The following SLC6A3 variants were observed in gnomAD, a reference collection of about 807,000 sequenced individuals.
SLC6A3 encodes the protein solute carrier family 6 member 3, also known as sodium-dependent dopamine transporter.
Under a neutral mutation model 70.4 loss-of-function variants are expected in SLC6A3, and 19 were observed. The ratio of observed to expected loss-of-function variants is 0.27; its 90% confidence interval spans 0.19 to 0.40. The LOEUF (loss-of-function observed/expected upper bound fraction) is 0.40, where lower values mean the gene tolerates loss of function less well. Ranked by LOEUF, SLC6A3 falls within the 10% of genes least tolerant of loss-of-function variation. The pLI, the probability that SLC6A3 is intolerant of heterozygous loss-of-function variation, is 1.00. For missense variants in SLC6A3, 613 were observed against 838.5 expected, an observed-to-expected ratio of 0.73 and a Z score of 3.32; for synonymous variants, 368 against 356.6, an observed-to-expected ratio of 1.03 and a Z score of -0.36.
chr5:1,415,145 G>C (rs1184776698), intron 7 of SLC6A3, among the ~76,000 whole-genome samples: 1 of 151,960 alleles, frequency 6.6e-6, no homozygotes, highest in Non-Finnish European at 1.5e-5. Context: ...ACCTCCCGGG[G>C]ACCTCGCTAA....
At position 1,441,496 on chromosome 5, in the gene SLC6A3, G is replaced by A. The variant is rs754451666; in HGVS notation, c.287-6C>T. ...GTAGGGGACCAGGAAGGCACCTGTG[G>A]GGCAGAAAAGCACCTTTAGTTTGGG... On this transcript the variant is annotated splice_region_variant and splice_polypyrimidine_tract_variant and intron_variant, in intron 2 of 14. Coordinates refer to ENST00000270349, the MANE Select transcript of SLC6A3 (RefSeq NM_001044.5). 6.2e-7 allele frequency: 1 copy of A among 1,613,774 alleles called. No homozygotes were observed. The highest frequency in any genetic ancestry group is 1.7e-5 in the Admixed American group (1 of 60,022).
In SLC6A3 at chr5:1,406,107, C is replaced by T. The variant is rs1423719984; in HGVS notation, c.1599+81G>A. The T allele has an allele frequency of 5.4e-5, 53 of 988,836 alleles. No individual in the cohort carries two copies. The highest frequency in any genetic ancestry group is 2.1e-4 in the East Asian group (9 of 41,984). The allele number at this position is 988,836 out of a possible 1,614,324, so 61.3% of individuals were successfully genotyped here. A position where few individuals can be genotyped will look rare whatever the true frequency, so the allele number is the denominator to read the frequency against. On this transcript the variant is annotated intron_variant, in intron 12 of 14. Coordinates refer to ENST00000270349, the MANE Select transcript of SLC6A3 (RefSeq NM_001044.5). The surrounding 1 kb of genome is among the most constrained non-coding windows in gnomAD (Gnocchi z 8.8). Reference sequence around the variant, plus strand: ...TCCAGCCACAGTGACAACCCACATGCGGGCGCTGGACCTCGGGGCAGGTGC... The same window carrying T: ...TCCAGCCACAGTGACAACCCACATGTGGGCGCTGGACCTCGGGGCAGGTGC...
chr5:1,416,704 G>T (rs1245916833), intron 6 of SLC6A3: 3 of 240,696 alleles, frequency 1.2e-5, no homozygotes, highest in Admixed American at 5.2e-5. Context: ...CGGCATGACC[G>T]CAGCGTCCTA....
At chr5:1,419,908 G>A (rs978564728) in intron 6 of SLC6A3, among the ~76,000 whole-genome samples, 1 of 151,236 alleles carries the variant, frequency 6.6e-6, no homozygotes, top group Non-Finnish European at 1.5e-5. Context: ...AGCCATGCCC[G>A]CCCATCCCTT....
At chr5:1,424,688 A>G (rs1485141231) in intron 4 of SLC6A3, among the ~76,000 whole-genome samples, 1 of 152,262 alleles carries the variant, frequency 6.6e-6, no homozygotes, top group African/African-American at 2.4e-5. Context: ...TGCCCCACTC[A>G]GGGCCTTCTC....
chr5:1,415,511 T>C (rs1756268624), intron 7 of SLC6A3, among the ~76,000 whole-genome samples: 1 of 152,200 alleles, frequency 6.6e-6, no homozygotes, highest in Non-Finnish European at 1.5e-5. Flanking sequence ...GCCATTCTGC[T>C]GCACACACTG....
Position 1,411,139 on chromosome 5 carries a change from G to T in SLC6A3, c.1269+104C>A. On this transcript the variant is annotated intron_variant, in intron 9 of 14. Coordinates refer to ENST00000270349, the MANE Select transcript of SLC6A3 (RefSeq NM_001044.5). The surrounding 1 kb of genome is among the most constrained non-coding windows in gnomAD (Gnocchi z 6.5). The stretch of plus-strand genomic sequence containing the variant: ...GTCAAGGACAGGAGGTCTGGGGGCC[G>T]TACGTGAGCCCAGGGATCTTGCCTA... 2 of 799,220 alleles carry T rather than the reference G, an allele frequency of 2.5e-6. No homozygotes were observed. 49.5% of individuals were successfully genotyped at this position (799,220 alleles called of 1,614,324 possible).
intron 6 of SLC6A3, among the ~76,000 whole-genome samples, chr5:1,420,261 C>T (rs188880091): frequency 6.6e-6 from 1 of 152,230 alleles, no homozygotes; most frequent in Non-Finnish European, 1.5e-5. Flanking sequence ...CCTTTCTGGA[C>T]AAGGGTCCCA....
At position 1,432,713 on chromosome 5, in the gene SLC6A3, G is replaced by A. The variant is rs1223467797; in HGVS notation, c.419-15C>T. On this transcript the variant is annotated splice_polypyrimidine_tract_variant and intron_variant, in intron 3 of 14. Transcript: ENST00000270349. ...GAAGCCCACACCTAGCGGGAAGGGG[G>A]AGGCCATGGAGCCCACGCAGGTGGA... The A allele has an allele frequency of 2.5e-6, 4 of 1,593,412 alleles. No homozygotes were observed. The highest frequency in any genetic ancestry group is 2.2e-5 in the East Asian group (1 of 44,674).
Position 1,442,815 on chromosome 5 carries a change from G to A in SLC6A3, c.286+97C>T. On this transcript the variant is annotated intron_variant, in intron 2 of 14. Coordinates refer to ENST00000270349, the MANE Select transcript of SLC6A3 (RefSeq NM_001044.5). The surrounding 1 kb of genome is among the most constrained non-coding windows in gnomAD (Gnocchi z 5.0). ...CAGGGAGCTCCGTCTTCACGCATGGGAACAGCTTCATCTCGTTTCCGTACG... is the reference window on the plus strand; with the variant it reads ...CAGGGAGCTCCGTCTTCACGCATGGAAACAGCTTCATCTCGTTTCCGTACG... The A allele has an allele frequency of 1.6e-6, 2 of 1,274,492 alleles. No individual in the cohort carries two copies. Among genetic ancestry groups the A allele is most frequent in the East Asian group, 2.3e-5 (1 of 43,310 alleles). The allele number at this position is 1,274,492 out of a possible 1,614,324, so 78.9% of individuals were successfully genotyped here. A position where few individuals can be genotyped will look rare whatever the true frequency, so the allele number is the denominator to read the frequency against.
rs113839811 is a variant in SLC6A3, at chr5:1,423,343, C to T, written c.654-1329G>A. ...GGTGCTGGGTACCCACCGCTGCCCA[C>T]AGTGCTGCCCACGCTGCTGGGTACC... On this transcript the variant is annotated intron_variant, in intron 4 of 14. Transcript: ENST00000270349. Among the ~76,000 whole-genome samples, 4 of 150,406 alleles carry T rather than the reference C, an allele frequency of 2.7e-5. 1 individual carries two copies. The highest frequency in any genetic ancestry group is 9.8e-5 in the African/African-American group (4 of 40,768).
chr5:1,417,966 A>G (rs1756346117), intron 6 of SLC6A3, among the ~76,000 whole-genome samples: 1 of 152,250 alleles, frequency 6.6e-6, no homozygotes, highest in South Asian at 2.1e-4. Context: ...GCAGCATGTC[A>G]GAGCCTCAAG....
rs774620416 is a variant in SLC6A3 at position 1,438,394 on chromosome 5, C to A, written c.418+2965G>T. Among the ~76,000 whole-genome samples, 1 of 152,226 alleles carries A rather than the reference C, an allele frequency of 6.6e-6. No homozygotes were observed. The highest frequency in any genetic ancestry group is 6.5e-5 in the Admixed American group (1 of 15,286). ...GAGGAGACGACTGCCCAGCTTACCC[C>A]GGCTGCGCATTGTGGAGAACACGAT... is the stretch of plus-strand genomic sequence containing the variant. On this transcript the variant is annotated intron_variant, in intron 3 of 14. Transcript: ENST00000270349. The surrounding 1 kb of genome is among the most constrained non-coding windows in gnomAD (Gnocchi z 6.5).
chr5:1,396,574 CCA>C lies in SLC6A3; in HGVS notation c.1840-1818_1840-1817del, dbSNP rs761104454. Among the ~76,000 whole-genome samples the C allele has an allele frequency of 6.6e-6, 1 of 152,180 alleles. No homozygotes were observed. Among genetic ancestry groups the C allele is most frequent in the Non-Finnish European group, 1.5e-5 (1 of 68,026 alleles). Reference sequence around the variant, plus strand: ...GGCCAGAGCGCCAGAGAGGAGGTGGCCACACAGAGAGAAGACCCGGGACAATG... The same window carrying C: ...GGCCAGAGCGCCAGAGAGGAGGTGGCCACAGAGAGAAGACCCGGGACAATG... On this transcript the variant is annotated intron_variant, in intron 14 of 14. Coordinates refer to ENST00000270349, the MANE Select transcript of SLC6A3 (RefSeq NM_001044.5). This position sits in a 1 kb window ranked among gnomAD's most constrained non-coding sequence, Gnocchi z 7.0.
rs946343682 is a variant in SLC6A3 at position 1,401,962 on chromosome 5, C to G, written c.1767+960G>C. Reference sequence around the variant, plus strand: ...AGCTCCTCCCACTCCACAGAAGCCCCCAGCCACACACTGTGCTTTGCCTGC... The same window carrying G: ...AGCTCCTCCCACTCCACAGAAGCCCGCAGCCACACACTGTGCTTTGCCTGC... On this transcript the variant is annotated intron_variant, in intron 13 of 14. Coordinates refer to ENST00000270349, the MANE Select transcript of SLC6A3 (RefSeq NM_001044.5). The surrounding 1 kb of genome is among the most constrained non-coding windows in gnomAD (Gnocchi z 6.1). 1.5e-4 allele frequency among the ~76,000 whole-genome samples: 23 copies of G among 152,228 alleles called. No individual in the cohort carries two copies. Among genetic ancestry groups the G allele is most frequent in the African/African-American group, 5.3e-4 (22 of 41,466 alleles).
Position 1,411,123 on chromosome 5 carries a change from A to C in SLC6A3, c.1269+120T>G, listed in dbSNP as rs1756111848. 1.4e-6 allele frequency: 1 copy of C among 729,058 alleles called. No homozygotes were observed. The allele number at this position is 729,058 out of a possible 1,614,324, so 45.2% of individuals were successfully genotyped here. A position where few individuals can be genotyped will look rare whatever the true frequency, so the allele number is the denominator to read the frequency against. On this transcript the variant is annotated intron_variant, in intron 9 of 14. Transcript: ENST00000270349. This position sits in a 1 kb window ranked among gnomAD's most constrained non-coding sequence, Gnocchi z 6.5. ...CACGGGGCTCGCCCAAGTCAAGGAC[A>C]GGAGGTCTGGGGGCCGTACGTGAGC... is the stretch of plus-strand genomic sequence containing the variant.
intron 4 of SLC6A3, among the ~76,000 whole-genome samples, chr5:1,426,495 A>G (rs1756579060): frequency 6.6e-6 from 1 of 152,216 alleles, no homozygotes; most frequent in South Asian, 2.1e-4. Context: ...AGCCGTGATC[A>G]TACCACTGCA....
rs28363125 is a variant in SLC6A3 at position 1,404,176 on chromosome 5, C to A, written c.1600-1087G>T. On this transcript the variant is annotated intron_variant, in intron 12 of 14. Coordinates refer to ENST00000270349, the MANE Select transcript of SLC6A3 (RefSeq NM_001044.5). The surrounding 1 kb of genome is among the most constrained non-coding windows in gnomAD (Gnocchi z 5.2). ...TGCCAGTCTCAGCATCTTCTTCATG[C>A]GCTACTTCGGGCCACTTGTAGGTTT... Among the ~76,000 whole-genome samples, 3 of 152,256 alleles carry A rather than the reference C, an allele frequency of 2.0e-5. No individual in the cohort carries two copies. The highest frequency in any genetic ancestry group is 7.2e-5 in the African/African-American group (3 of 41,476).
At chr5:1,429,291 G>C (rs143369470) in intron 4 of SLC6A3, among the ~76,000 whole-genome samples, 154 of 152,282 alleles carry the variant, frequency 1.0e-3, no homozygotes, top group African/African-American at 3.4e-3. Flanking sequence ...GGAGTGCCAA[G>C]CACCTCAGTG....
Sources: gnomAD v4.1 joint callset for allele counts (sites outside exome capture counted in the v4.1 genomes callset) on GRCh38, gnomAD v4.1.1 for gene constraint, Gnocchi (gnomAD v3.1) non-coding constraint, MANE v1.5 for transcripts, NCBI Gene and HGNC (gene_info 2026-07-23, HGNC 2026-07-21) for gene names.